SYMPK: variants seen among roughly 807,000 people sequenced by gnomAD.
SYMPK encodes symplekin scaffold protein.
Under a neutral mutation model 136.4 loss-of-function variants are expected in SYMPK, and 49 were observed. The ratio of observed to expected loss-of-function variants is 0.36; its 90% CI spans 0.29 to 0.46. The LOEUF is 0.46. Ranked by LOEUF, SYMPK falls within the 20% of genes least tolerant of loss-of-function variation. The pLI is 1.00. For synonymous variants in SYMPK, 766 were observed against 713.0 expected (o/e 1.07, Z -1.19); for missense variants, 1,365 against 1,690.0 (o/e 0.81, Z 3.37).
chr19:45,842,509 A>C lies in SYMPK; in HGVS notation c.848-20T>G. 1.2e-6 allele frequency: 2 copies of C among 1,601,444 alleles called. No homozygotes were observed. The highest frequency in any genetic ancestry group is 1.7e-6 in the Non-Finnish European group (2 of 1,171,912). ...GGTTGGCTGTGAGGAAAGTGGCAGG[A>C]GCTGTGTCTTGTGGAAGATCTCATG... is the stretch of plus-strand genomic sequence containing the variant. On this transcript the variant is annotated intron_variant, in intron 8 of 26. Coordinates refer to ENST00000245934, the MANE Select transcript of SYMPK (RefSeq NM_004819.3).
chr19:45,854,537 A>C (rs950239434), intron 1 of SYMPK, 30 bp from the exon 2 acceptor site: 1 of 1,582,888 alleles, frequency 6.3e-7, no homozygotes, highest in African/African-American at 1.3e-5. Context: ...AGGATGGATC[A>C]AGCTCAGGGA....
chr19:45,844,747 T>C (rs924104343), intron 7 of SYMPK, among the ~76,000 whole-genome samples: 5 of 152,132 alleles, frequency 3.3e-5, no homozygotes, highest in African/African-American at 1.2e-4. Flanking sequence ...AGAATACATG[T>C]GTATATACAC....
chr19:45,841,508 G>C (rs1328173711), intron 9 of SYMPK, among the ~76,000 whole-genome samples: 1 of 151,090 alleles, frequency 6.6e-6, no homozygotes, highest in African/African-American at 2.4e-5. Context: ...GGCCAGGCTG[G>C]TGTCAAACTC....
intron 10 of SYMPK, among the ~76,000 whole-genome samples, chr19:45,836,810 T>C (rs968692987): frequency 1.3e-5 from 2 of 152,076 alleles, no homozygotes; most frequent in African/African-American, 2.4e-5. Flanking sequence ...GGCTAATTTT[T>C]TTATTTTTCT....
chr19:45,827,229 G>A (rs962899463), intron 16 of SYMPK, among the ~76,000 whole-genome samples: 1 of 152,250 alleles, frequency 6.6e-6, no homozygotes. Flanking sequence ...GGTGGACTAA[G>A]AGCGAGAGTG....
Position 45,842,473 on chromosome 19 carries a change from C to T in SYMPK, c.864G>A (p.Thr288=), listed in dbSNP as rs1438923828. 18 of 1,611,868 alleles carry T rather than the reference C, an allele frequency of 1.1e-5. No individual in the cohort carries two copies. The highest frequency in any genetic ancestry group is 1.4e-5 in the Non-Finnish European group (17 of 1,178,400). The change falls in exon 9 of 27, where the codon ACG becomes ACA. Residue 288 remains threonine (T), a synonymous_variant. Coordinates refer to ENST00000245934, the MANE Select transcript of SYMPK (RefSeq NM_004819.3). ...YETLHANLPP[T]LAKSQVSSVR... ...CACTGCTCACCTGCGATTTGGCCAG[C>T]GTCGGGGGCAGGTTGGCTGTGAGGA... is the stretch of plus-strand genomic sequence containing the variant.
intron 9 of SYMPK, among the ~76,000 whole-genome samples, chr19:45,840,124 C>T (rs547974264): frequency 5.3e-5 from 8 of 151,688 alleles, no homozygotes; most frequent in African/African-American, 1.7e-4. Context: ...ACCAGCCTGG[C>T]CAACATGGTG....
rs998963961 is a variant in SYMPK at position 45,819,006 on chromosome 19, G to GT, written c.2894-861_2894-860insA. On this transcript the variant is annotated intron_variant, in intron 22 of 26. Transcript: ENST00000245934. ...AGAACAGGGGTGGGGTCTCTAAGGGGGGGGGCGTAGACAGGTGGGGAGGAG... is the reference window on the plus strand; with the variant it reads ...AGAACAGGGGTGGGGTCTCTAAGGGGTGGGGGCGTAGACAGGTGGGGAGGAG... 8 of 151,980 alleles carry GT rather than the reference G, an allele frequency of 5.3e-5. No individual in the cohort carries two copies. In the East Asian group the frequency reaches 9.7e-4, roughly 18 times the overall value. The allele number at this position is 151,980 out of a possible 1,614,324, so 9.4% of individuals were successfully genotyped here. A position where few individuals can be genotyped will look rare whatever the true frequency, so the allele number is the denominator to read the frequency against.
At chr19:45,860,315 A>G (rs913246054) in intron 1 of SYMPK, among the ~76,000 whole-genome samples, 4 of 151,976 alleles carry the variant, frequency 2.6e-5, no homozygotes, top group Non-Finnish European at 5.9e-5. Context: ...AAAATTAGCC[A>G]GGCATGGTGG....
chr19:45,829,968 G>C, intron 13 of SYMPK, 86 bp downstream of exon 13: 4 of 1,443,430 alleles, frequency 2.8e-6, no homozygotes, highest in Non-Finnish European at 3.7e-6. Context: ...GAGGTTTGAC[G>C]CCAGGGCCAG....
chr19:45,832,237 G>C (rs1971197374), intron 11 of SYMPK, among the ~76,000 whole-genome samples: 1 of 152,102 alleles, frequency 6.6e-6, no homozygotes, highest in Non-Finnish European at 1.5e-5. Flanking sequence ...CACCTCCTGG[G>C]TCCAAGCCAT....
chr19:45,815,666 T>G lies in SYMPK; in HGVS notation c.3719A>C (p.Glu1240Ala). The G allele has an allele frequency of 6.2e-7, 1 of 1,610,202 alleles. No homozygotes were observed. Among genetic ancestry groups the G allele is most frequent in the Non-Finnish European group, 8.5e-7 (1 of 1,179,004 alleles). ...TGCGAGGGTCTGGGGGCTCCGCTCC[T>G]CCTTCAAGGTCAGCCCGCCCGCTGC... is the stretch of plus-strand genomic sequence containing the variant. ...ETAAGGLTLK[E>A]ERSPQTLAPV... The change falls in exon 27 of 27, where the codon GAG becomes GCG. Residue 1240 changes from glutamate to alanine, a missense_variant. Glu to Ala is a moderately radical substitution (Grantham distance 107, BLOSUM62 -1). This residue lies in a region of SYMPK where 341 missense variants were observed against 270.5 expected (regional missense o/e 1.26). Coordinates refer to ENST00000245934, the MANE Select transcript of SYMPK (RefSeq NM_004819.3).
In SYMPK at chr19:45,837,378, G is replaced by A. The variant is rs539962376; in HGVS notation, c.1242+1083C>T. On this transcript the variant is annotated intron_variant, in intron 10 of 26. Transcript: ENST00000245934. ...CATGCCTGTAATCCCAGCACTTTGG[G>A]AGGCCATGGTGGGCGGATCACCAGA... 5.3e-5 allele frequency among the ~76,000 whole-genome samples: 8 copies of A among 152,240 alleles called. No individual in the cohort carries two copies. In the South Asian group the frequency reaches 1.2e-3, roughly 24 times the overall value.
chr19:45,833,357 T>C (rs1007704688), intron 11 of SYMPK, among the ~76,000 whole-genome samples: 1 of 152,162 alleles, frequency 6.6e-6, no homozygotes, highest in Non-Finnish European at 1.5e-5. Context: ...ATCCCAGGAC[T>C]TTCGGAGGCC....
At chr19:45,848,723 G>A (rs752078652) in intron 6 of SYMPK, 27 bp downstream of exon 6, 6 of 1,612,558 alleles carry the variant, frequency 3.7e-6, no homozygotes, top group Non-Finnish European at 3.4e-6. Context: ...CAGGCAGGAT[G>A]GCCCTGGGTG....
rs763794765 is a variant in SYMPK, at chr19:45,816,991, G to C, written c.3082-17C>G. 6.4e-7 allele frequency: 1 copy of C among 1,551,612 alleles called. No homozygotes were observed. The highest frequency in any genetic ancestry group is 2.0e-5 in the Admixed American group (1 of 50,020). On this transcript the variant is annotated splice_polypyrimidine_tract_variant and intron_variant, in intron 23 of 26. Coordinates refer to ENST00000245934, the MANE Select transcript of SYMPK (RefSeq NM_004819.3). ...CTTCCACACCTGAACCAGGGAGGGA[G>C]GGAGCCGTCGGGAGAGGCACACAGG... is the stretch of plus-strand genomic sequence containing the variant.
chr19:45,823,072 C>T (rs1970945158), intron 20 of SYMPK, among the ~76,000 whole-genome samples: 1 of 152,204 alleles, frequency 6.6e-6, no homozygotes, highest in Non-Finnish European at 1.5e-5. Flanking sequence ...GCATCCTGAT[C>T]CTTGTCTGAC....
intron 14 of SYMPK, 26 bp downstream of exon 14, chr19:45,828,944 G>A (rs776089190): frequency 6.2e-6 from 10 of 1,600,910 alleles, no homozygotes; most frequent in South Asian, 3.3e-5. Context: ...CTCGGGGACA[G>A]GAGGGTGCAG....
chr19:45,816,645 G>C (rs759944947), intron 24 of SYMPK, 68 bp from the exon 25 acceptor site: 3 of 1,598,818 alleles, frequency 1.9e-6, no homozygotes, highest in African/African-American at 2.7e-5. Context: ...GCACACCTCA[G>C]GTCCGGGGGC....
Sources: gnomAD v4.1 joint callset for allele counts (sites outside exome capture counted in the v4.1 genomes callset) on GRCh38, gnomAD v4.1.1 for gene constraint, gnomAD v4.1.1 regional missense constraint, MANE v1.5 for transcripts, NCBI Gene and HGNC (gene_info 2026-07-23, HGNC 2026-07-21) for gene names.